The following FRAS1 variants were observed in gnomAD, a reference collection of about 807,000 sequenced individuals.
The protein encoded by FRAS1 is Fraser extracellular matrix complex subunit 1.
Under a neutral mutation model 435.2 loss-of-function variants are expected in FRAS1, and 290 were observed. That is an observed-to-expected ratio of 0.67 (90% CI 0.61 to 0.73). FRAS1 has a LOEUF of 0.73. FRAS1 is among the 30% of genes least tolerant of loss of function. The probability of loss-of-function intolerance (pLI) is 0.00; values close to 1 mark genes in which losing one functional copy is unlikely to be tolerated. For missense variants in FRAS1, 4,860 were observed against 5,001.5 expected (o/e 0.97, Z 0.85); for synonymous variants, 1,800 against 1,851.0 (o/e 0.97, Z 0.71).
At chr4:78,246,335 T>A (rs1005923451) in intron 4 of FRAS1, among the ~76,000 whole-genome samples, 1 of 152,154 alleles carries the variant, frequency 6.6e-6, no homozygotes, top group African/African-American at 2.4e-5. Flanking sequence ...TGCTATTCAG[T>A]GTGGGGACCT....
chr4:78,510,047 C>G (rs1296087817), intron 63 of FRAS1, among the ~76,000 whole-genome samples: 1 of 152,182 alleles, frequency 6.6e-6, no homozygotes. Context: ...ACAGCTTATT[C>G]AGAAAGGCCT....
At chr4:78,245,356 G>C in intron 4 of FRAS1, 31 bp downstream of exon 4, 1 of 1,407,906 alleles carries the variant, frequency 7.1e-7, no homozygotes, top group Admixed American at 1.9e-5. Context: ...GGTTGATTCT[G>C]TGTCTGCAGA....
intron 70 of FRAS1, among the ~76,000 whole-genome samples, chr4:78,528,298 C>T (rs1016786065): frequency 1.3e-5 from 2 of 152,094 alleles, no homozygotes; most frequent in Non-Finnish European, 2.9e-5. Flanking sequence ...CTGTACAATT[C>T]GATAAATTTT....
In FRAS1 at chr4:78,267,349, G is replaced by A. The variant is rs747060409; in HGVS notation, c.898G>A (p.Gly300Ser). The change falls in exon 9 of 74, where the codon GGC becomes AGC. Residue 300 changes from glycine (G) to serine (S), a missense_variant. By Grantham distance (56) the Gly-to-Ser change is moderately conservative. Coordinates refer to ENST00000512123, the MANE Select transcript of FRAS1 (RefSeq NM_025074.7). ...GCGGTACCAGGACGAAATGTGGAAG[G>A]GCTCGGCCTGTGAGTTCTGCATGTG... ...VVRYQDEMWK[G>S]SACEFCMCDH... The A allele has an allele frequency of 1.8e-5, 29 of 1,613,848 alleles. No homozygotes were observed. The highest frequency in any genetic ancestry group is 3.3e-4 in the Middle Eastern group (2 of 6,062).
intron 32 of FRAS1, among the ~76,000 whole-genome samples, chr4:78,415,267 A>C (rs368817054): frequency 5.3e-5 from 8 of 152,216 alleles, no homozygotes; most frequent in African/African-American, 1.9e-4. Context: ...AGTTCAGTGC[A>C]TACTGCTTTG....
chr4:78,286,361 A>C, intron 13 of FRAS1, 44 bp from the exon 14 acceptor site: 2 of 1,610,998 alleles, frequency 1.2e-6, no homozygotes, highest in Non-Finnish European at 1.7e-6. Context: ...CTTTCAGCTA[A>C]TCAAATGGTT....
chr4:78,098,774 C>T (rs1741955901), intron 2 of FRAS1, among the ~76,000 whole-genome samples: 1 of 152,056 alleles, frequency 6.6e-6, no homozygotes, highest in Non-Finnish European at 1.5e-5. Flanking sequence ...TTCTCAGAGC[C>T]CAGAATAAAT....
chr4:78,227,371 C>G (rs999670197), intron 2 of FRAS1, among the ~76,000 whole-genome samples: 1 of 152,208 alleles, frequency 6.6e-6, no homozygotes, highest in African/African-American at 2.4e-5. Flanking sequence ...AGAATCACCT[C>G]TAAACCAGCA....
chr4:78,409,042 C>G (rs112568815), intron 31 of FRAS1, among the ~76,000 whole-genome samples: 1,579 of 145,308 alleles, frequency 0.011, 27 homozygotes, highest in African/African-American at 0.037. Context: ...TCACTTGAGC[C>G]TGGGAGGTGG....
intron 2 of FRAS1, among the ~76,000 whole-genome samples, chr4:78,095,643 C>T (rs555509120): frequency 9.2e-5 from 14 of 152,324 alleles, no homozygotes; most frequent in African/African-American, 3.1e-4. Flanking sequence ...GAACAAGTCA[C>T]GTCTTACGTG....
chr4:78,370,911 C>G (rs1731477021), intron 23 of FRAS1, among the ~76,000 whole-genome samples: 1 of 152,138 alleles, frequency 6.6e-6, no homozygotes, highest in Admixed American at 6.5e-5. Context: ...TCTCTCTATC[C>G]CTCTGATTCT....
At position 78,513,549 on chromosome 4, in the gene FRAS1, T is replaced by C. The variant is rs180949557; in HGVS notation, c.10171T>C (p.Ser3391Pro). The C allele has an allele frequency of 1.8e-4, 294 of 1,613,336 alleles. No individual in the cohort carries two copies. The African/African-American group carries it at 3.6e-3, about 20-fold the overall frequency. ...LVTTYDLRGI[S>P]EAGFLDDVVY... The stretch of plus-strand genomic sequence containing the variant: ...TACCACCTATGACCTGAGAGGCATC[T>C]CAGGTGAGATTGACAAGTTCAGGAC... The change falls in exon 65 of 74, where the codon TCA (serine) becomes CCA (proline). Residue 3391 changes from serine to proline, a missense_variant. Coordinates refer to ENST00000512123, the MANE Select transcript of FRAS1 (RefSeq NM_025074.7).
chr4:78,190,004 C>T (rs112161519), intron 2 of FRAS1, among the ~76,000 whole-genome samples: 73 of 152,332 alleles, frequency 4.8e-4, no homozygotes, highest in African/African-American at 1.5e-3. Context: ...TAACCTGGTT[C>T]TGTTGTTTCT....
chr4:78,065,081 T>TATATATATATATATATATATAAACACAC (rs762909923), intron 1 of FRAS1, among the ~76,000 whole-genome samples: 1 of 125,690 alleles, frequency 8.0e-6, no homozygotes, highest in African/African-American at 3.0e-5. Flanking sequence ...TATATATATA[T>TATATATATATATATATATATAAACACAC]ATACATACAC....
At chr4:78,217,198 A>G (rs1723804486) in intron 2 of FRAS1, among the ~76,000 whole-genome samples, 1 of 152,124 alleles carries the variant, frequency 6.6e-6, no homozygotes, top group Non-Finnish European at 1.5e-5. Flanking sequence ...TTTTTGTTCT[A>G]TTCAGGCCCT....
Position 78,315,553 on chromosome 4 carries a change from C to A in FRAS1, c.1679-41C>A, listed in dbSNP as rs753151106. 18 of 1,566,236 alleles carry A rather than the reference C, an allele frequency of 1.1e-5. No homozygotes were observed. In the South Asian group the frequency reaches 2.2e-4, roughly 19 times the overall value. Reference sequence around the variant, plus strand: ...AATAGACTTCACTGCTTCTTTTGCTCACTATTGCCTTTCTCTGATGGGTTT... The same window carrying A: ...AATAGACTTCACTGCTTCTTTTGCTAACTATTGCCTTTCTCTGATGGGTTT... On this transcript the variant is annotated intron_variant, in intron 15 of 73. Coordinates refer to ENST00000512123, the MANE Select transcript of FRAS1 (RefSeq NM_025074.7).
At position 78,516,875 on chromosome 4, in the gene FRAS1, C is replaced by T. The variant is rs148863834; in HGVS notation, c.10389+862C>T. Among the ~76,000 whole-genome samples, 1,318 of 152,274 alleles carry T rather than the reference C, an allele frequency of 8.7e-3. 23 individuals carry two copies. Among genetic ancestry groups the T allele is most frequent in the African/African-American group, 0.03 (1,262 of 41,530 alleles). ...TGACATGTAGGGATTATGGGGATTA[C>T]AATTCAAGATGAGATTTGGGTGGGG... On this transcript the variant is annotated intron_variant, in intron 66 of 73. Coordinates refer to ENST00000512123, the MANE Select transcript of FRAS1 (RefSeq NM_025074.7).
At chr4:78,271,764 G>C (rs368743839) in intron 9 of FRAS1, among the ~76,000 whole-genome samples, 1 of 152,084 alleles carries the variant, frequency 6.6e-6, no homozygotes, top group Admixed American at 6.5e-5. Context: ...GAATAGTGCC[G>C]CAATAAACAT....
intron 2 of FRAS1, among the ~76,000 whole-genome samples, chr4:78,139,237 G>T (rs759721294): frequency 1.3e-5 from 2 of 152,132 alleles, no homozygotes; most frequent in Non-Finnish European, 2.9e-5. Context: ...CTGAGGAACA[G>T]GACCTTGGGA....
Sources: allele counts gnomAD v4.1 joint callset (sites outside exome capture counted in the v4.1 genomes callset), GRCh38; gene constraint gnomAD v4.1.1; transcripts MANE v1.5; gene names NCBI Gene and HGNC (gene_info 2026-07-23, HGNC 2026-07-21).